Variants in GRIK2 observed in about 807,000 individuals in gnomAD.
GRIK2 encodes glutamate receptor ionotropic, kainate 2.
GRIK2 carries 32 observed loss-of-function variants against 100.3 expected under a neutral mutation model. The ratio of observed to expected loss-of-function variants is 0.32; its 90% CI spans 0.24 to 0.43. The LOEUF is 0.43. Ranked by LOEUF, GRIK2 falls within the 20% of genes least tolerant of loss-of-function variation. The probability of loss-of-function intolerance (pLI) is 1.00; values close to 1 mark genes in which losing one functional copy is unlikely to be tolerated. For synonymous variants in GRIK2, 417 were observed against 389.4 expected, an observed-to-expected ratio of 1.07 and a Z score of -0.83; for missense variants, 843 against 1,114.9, an observed-to-expected ratio of 0.76 and a Z score of 3.47.
At chr6:102,036,233 AC>A (rs1223162389) in intron 15 of GRIK2, among the ~76,000 whole-genome samples, 4 of 146,084 alleles carry the variant, frequency 2.7e-5, no homozygotes, top group African/African-American at 9.9e-5. Flanking sequence ...GTAAGTAAAC[AC>A]ACACACACAC....
intron 2 of GRIK2, among the ~76,000 whole-genome samples, chr6:101,528,399 A>C (rs1476803619): frequency 6.6e-6 from 1 of 152,224 alleles, no homozygotes; most frequent in East Asian, 1.9e-4. Flanking sequence ...TTATGTGGGA[A>C]GAATAAAAAC....
intron 11 of GRIK2, among the ~76,000 whole-genome samples, chr6:101,871,683 C>T (rs1785427617): frequency 6.6e-6 from 1 of 151,978 alleles, no homozygotes; most frequent in South Asian, 2.1e-4. Flanking sequence ...TCCATCTACA[C>T]ACTTGTTGCC....
At chr6:101,811,642 A>T (rs188152584) in intron 9 of GRIK2, among the ~76,000 whole-genome samples, 1 of 152,008 alleles carries the variant, frequency 6.6e-6, no homozygotes, top group Non-Finnish European at 1.5e-5. Flanking sequence ...TAAATTTCAT[A>T]GAAAATAAGA....
chr6:101,896,534 ATT>A (rs1010087339), intron 12 of GRIK2, among the ~76,000 whole-genome samples: 1 of 151,710 alleles, frequency 6.6e-6, no homozygotes, highest in African/African-American at 2.4e-5. Context: ...TCTACAAATT[ATT>A]TTTTTCACAT....
At chr6:101,402,142 C>T (rs1044343626) in intron 2 of GRIK2, among the ~76,000 whole-genome samples, 1 of 152,110 alleles carries the variant, frequency 6.6e-6, no homozygotes, top group South Asian at 2.1e-4. Context: ...AGTGCTGAAC[C>T]CTTGCCACGT....
At chr6:101,494,860 G>A (rs1360647137) in intron 2 of GRIK2, among the ~76,000 whole-genome samples, 1 of 151,256 alleles carries the variant, frequency 6.6e-6, no homozygotes, top group Non-Finnish European at 1.5e-5. Context: ...CTTGAGACTG[G>A]GAGGTGGAGG....
chr6:101,803,470 G>C (rs1257117240), intron 9 of GRIK2, among the ~76,000 whole-genome samples: 1 of 151,786 alleles, frequency 6.6e-6, no homozygotes, highest in Non-Finnish European at 1.5e-5. Context: ...TGTACACTTT[G>C]TGAAGACCAA....
intron 14 of GRIK2, among the ~76,000 whole-genome samples, chr6:101,983,422 T>G (rs537975193): frequency 6.6e-4 from 100 of 151,910 alleles, no homozygotes; most frequent in Non-Finnish European, 1.3e-3. Context: ...AATCACCGGT[T>G]TTTTATTCAC....
At chr6:101,717,689 G>A (rs895013234) in intron 7 of GRIK2, among the ~76,000 whole-genome samples, 3 of 151,670 alleles carry the variant, frequency 2.0e-5, no homozygotes, top group Non-Finnish European at 4.4e-5. Flanking sequence ...ATAGTAATTC[G>A]GTACTGAATA....
intron 10 of GRIK2, among the ~76,000 whole-genome samples, chr6:101,826,353 CA>C (rs2128425821): frequency 6.6e-6 from 1 of 151,784 alleles, no homozygotes; most frequent in African/African-American, 2.4e-5. Context: ...TTAGATAGGG[CA>C]AAAATCTATT....
intron 14 of GRIK2, among the ~76,000 whole-genome samples, chr6:102,007,755 G>C (rs1020236121): frequency 6.6e-6 from 1 of 152,066 alleles, no homozygotes; most frequent in East Asian, 1.9e-4. Flanking sequence ...TCTTAGGAAA[G>C]AGGTTTAATT....
In GRIK2 at chr6:101,479,795, G is replaced by A. The variant is rs372875050; in HGVS notation, c.115+80403G>A. On this transcript the variant is annotated intron_variant, in intron 2 of 16. Transcript: ENST00000369134. ...AAACTGACAAATACTTCACTCTTGC[G>A]AATTAAATGTAAACATTTGTCATTT... 8.5e-5 allele frequency among the ~76,000 whole-genome samples: 13 copies of A among 152,078 alleles called. No homozygotes were observed. The East Asian group carries it at 9.7e-4, about 11-fold the overall frequency.
At chr6:101,645,212 T>C (rs1049821882) in intron 4 of GRIK2, among the ~76,000 whole-genome samples, 1 of 151,728 alleles carries the variant, frequency 6.6e-6, no homozygotes, top group Non-Finnish European at 1.5e-5. Context: ...AATGAGTCAT[T>C]GTAACTATTT....
chr6:101,503,227 ATACT>A (rs1773856214), intron 2 of GRIK2, among the ~76,000 whole-genome samples: 1 of 152,150 alleles, frequency 6.6e-6, no homozygotes, highest in Non-Finnish European at 1.5e-5. Flanking sequence ...ATAGAGATAA[ATACT>A]TACTGATCTT....
intron 7 of GRIK2, among the ~76,000 whole-genome samples, chr6:101,777,744 T>C (rs1192784134): frequency 6.6e-6 from 1 of 152,182 alleles, no homozygotes; most frequent in East Asian, 1.9e-4. Flanking sequence ...ATCTGAGATG[T>C]AGGAGTTCCA....
chr6:101,422,852 T>C (rs975466791), intron 2 of GRIK2, among the ~76,000 whole-genome samples: 47 of 152,198 alleles, frequency 3.1e-4, no homozygotes, highest in Non-Finnish European at 6.8e-4. Context: ...TGAATACATA[T>C]GTGGACATCA....
At chr6:101,963,978 G>C (rs1562070472) in intron 14 of GRIK2, among the ~76,000 whole-genome samples, 1 of 151,734 alleles carries the variant, frequency 6.6e-6, no homozygotes, top group African/African-American at 2.4e-5. Context: ...ATGCACCACT[G>C]CTCTGGAGCT....
chr6:102,063,329 T>C (rs1771848023), intron 16 of GRIK2, among the ~76,000 whole-genome samples: 1 of 150,700 alleles, frequency 6.6e-6, no homozygotes, highest in South Asian at 2.1e-4. Context: ...GATTTCCTCC[T>C]TAAAAATAAA....
chr6:102,035,990 A>G (rs1467529497), intron 15 of GRIK2, among the ~76,000 whole-genome samples: 1 of 151,392 alleles, frequency 6.6e-6, no homozygotes, highest in African/African-American at 2.4e-5. Flanking sequence ...TCTCATGAAT[A>G]TTATCAGAAT....
Sources: allele counts gnomAD v4.1 joint callset (sites outside exome capture counted in the v4.1 genomes callset), GRCh38; gene constraint gnomAD v4.1.1; transcripts MANE v1.5; gene names NCBI Gene and HGNC (gene_info 2026-07-23, HGNC 2026-07-21).